The following CCDC171 variants were observed in gnomAD, a reference collection of about 807,000 sequenced individuals.
CCDC171 encodes the protein coiled-coil domain-containing protein 171.
In CCDC171, 177 loss-of-function variants were observed where a neutral mutation model predicts 168.2. The ratio of observed to expected loss-of-function variants is 1.05; its 90% confidence interval spans 0.93 to 1.19. The LOEUF is 1.19. Ranked by LOEUF, CCDC171 falls within the 50% of genes most tolerant of loss-of-function variation. The probability of loss-of-function intolerance (pLI) is 0.00; values close to 1 mark genes in which losing one functional copy is unlikely to be tolerated. For missense variants in CCDC171, 1,991 were observed against 1,539.0 expected (o/e 1.29, Z -4.91); for synonymous variants, 687 against 540.8 (o/e 1.27, Z -3.75).
intron 7 of CCDC171, among the ~76,000 whole-genome samples, chr9:16,035,927 C>T (rs1253396632): frequency 2.0e-5 from 3 of 152,190 alleles, no homozygotes; most frequent in Non-Finnish European, 4.4e-5. Flanking sequence ...TCAACACCTT[C>T]CCTGGTTACA....
Position 15,571,488 on chromosome 9 carries a change from A to G in CCDC171, c.42-136A>G, listed in dbSNP as rs16933373. ...GCTTTTGCAGTGGACATCTTTTACTAGATTGTGAACTCTAAGTCAAGAACC... is the reference window on the plus strand; with the variant it reads ...GCTTTTGCAGTGGACATCTTTTACTGGATTGTGAACTCTAAGTCAAGAACC... On this transcript the variant is annotated intron_variant, in intron 2 of 25. Transcript: ENST00000380701. 9.2e-3 allele frequency: 5,584 copies of G among 606,618 alleles called. 257 individuals are homozygous for G. The African/African-American group carries it at 0.099, about 11-fold the overall frequency. 37.6% of individuals were successfully genotyped at this position (606,618 alleles called of 1,614,324 possible).
chr9:15,771,129 TA>T (rs777901993), intron 18 of CCDC171, among the ~76,000 whole-genome samples: 2 of 152,208 alleles, frequency 1.3e-5, no homozygotes, highest in Non-Finnish European at 2.9e-5. Flanking sequence ...TATTTTTTCT[TA>T]TTTTTTTCGC....
chr9:15,877,725 G>A (rs377179523), intron 24 of CCDC171, among the ~76,000 whole-genome samples: 1 of 152,092 alleles, frequency 6.6e-6, no homozygotes, highest in Admixed American at 6.6e-5. Flanking sequence ...AAAGTCCAGT[G>A]TAGTGTGAAT....
chr9:15,867,172 T>C (rs533475853), intron 23 of CCDC171, among the ~76,000 whole-genome samples: 1 of 152,142 alleles, frequency 6.6e-6, no homozygotes, highest in South Asian at 2.1e-4. Flanking sequence ...TTACTTCTAT[T>C]CTTAGAGTGG....
intron 3 of CCDC171, among the ~76,000 whole-genome samples, chr9:16,007,335 C>G (rs1013764083): frequency 6.6e-6 from 1 of 152,070 alleles, no homozygotes; most frequent in African/African-American, 2.4e-5. Flanking sequence ...GATATTAGCC[C>G]TTTGTCAGAT....
intron 3 of CCDC171, among the ~76,000 whole-genome samples, chr9:15,998,896 T>C (rs1292415379): frequency 6.6e-6 from 1 of 152,210 alleles, no homozygotes; most frequent in East Asian, 1.9e-4. Flanking sequence ...AAGATGGGTC[T>C]GTACTGTAGC....
intron 3 of CCDC171, among the ~76,000 whole-genome samples, chr9:16,001,673 G>T (rs1044113943): frequency 1.3e-5 from 2 of 152,060 alleles, no homozygotes; most frequent in African/African-American, 4.8e-5. Flanking sequence ...GAGTGACATT[G>T]TAGCTGTAAT....
chr9:15,555,331 C>T (rs1173250538), intron 1 of CCDC171, among the ~76,000 whole-genome samples: 1 of 152,192 alleles, frequency 6.6e-6, no homozygotes. Flanking sequence ...CCTTGCCTTT[C>T]TTTATCTATT....
At chr9:15,915,008 G>A (rs572042939) in intron 24 of CCDC171, among the ~76,000 whole-genome samples, 9 of 152,140 alleles carry the variant, frequency 5.9e-5, no homozygotes, top group East Asian at 1.9e-4. Context: ...GAGTTGAACC[G>A]GGTACCTCAG....
intron 21 of CCDC171, among the ~76,000 whole-genome samples, chr9:15,816,013 AT>A (rs1449561084): frequency 8.5e-6 from 1 of 117,908 alleles, no homozygotes; most frequent in African/African-American, 3.1e-5. Context: ...AAAAGTTGTC[AT>A]TTTCATTTTT....
At chr9:15,698,809 T>C (rs1215568165) in intron 11 of CCDC171, among the ~76,000 whole-genome samples, 1 of 152,192 alleles carries the variant, frequency 6.6e-6, no homozygotes, top group East Asian at 1.9e-4. Flanking sequence ...TGCCTCAGCC[T>C]CCTAAATAGC....
chr9:15,886,985 TGAG>T (rs1352802279), intron 24 of CCDC171, among the ~76,000 whole-genome samples: 2 of 152,024 alleles, frequency 1.3e-5, no homozygotes, highest in Non-Finnish European at 2.9e-5. Flanking sequence ...GTTGGGGGAA[TGAG>T]GAGATAATTG....
intron 18 of CCDC171, among the ~76,000 whole-genome samples, chr9:15,756,501 AC>A (rs994364825): frequency 6.6e-6 from 1 of 152,086 alleles, no homozygotes; most frequent in African/African-American, 2.4e-5. Flanking sequence ...TGAGCATAGT[AC>A]CCAGTAGGCA....
chr9:15,905,348 A>G, intron 24 of CCDC171, among the ~76,000 whole-genome samples: 1 of 152,258 alleles, frequency 6.6e-6, no homozygotes, highest in East Asian at 1.9e-4. Context: ...CAATCAAACT[A>G]GAACTCGGGA....
intron 18 of CCDC171, among the ~76,000 whole-genome samples, chr9:15,750,008 C>A (rs1011175150): frequency 6.7e-6 from 1 of 148,182 alleles, no homozygotes; most frequent in Non-Finnish European, 1.5e-5. Flanking sequence ...ACAAAAAAAC[C>A]CTTTAAAAAA....
intron 6 of CCDC171, among the ~76,000 whole-genome samples, chr9:15,600,705 T>A (rs779879473): frequency 6.6e-6 from 1 of 152,220 alleles, no homozygotes; most frequent in Admixed American, 6.5e-5. Flanking sequence ...TTCTGCTGCC[T>A]TTTGTTTGGC....
the CCDC171 span, among the ~76,000 whole-genome samples, chr9:16,097,438 C>A: frequency 6.6e-6 from 1 of 152,246 alleles, no homozygotes; most frequent in Admixed American, 6.5e-5. Context: ...GTATTTTAAT[C>A]CCCACAGCAT....
At chr9:15,749,215 G>C (rs2134769164) in intron 18 of CCDC171, among the ~76,000 whole-genome samples, 1 of 151,222 alleles carries the variant, frequency 6.6e-6, no homozygotes, top group Middle Eastern at 3.4e-3. Context: ...AAGATCGAAA[G>C]AGACAAAGAA....
At chr9:15,811,579 A>C (rs888042473) in intron 21 of CCDC171, among the ~76,000 whole-genome samples, 1 of 151,996 alleles carries the variant, frequency 6.6e-6, no homozygotes, top group Non-Finnish European at 1.5e-5. Context: ...AATGTATTTT[A>C]TTTTTTTCTT....
Sources: allele counts gnomAD v4.1 joint callset (sites outside exome capture counted in the v4.1 genomes callset), GRCh38; gene constraint gnomAD v4.1.1; transcripts MANE v1.5; gene names NCBI Gene and HGNC (gene_info 2026-07-23, HGNC 2026-07-21).